Variants in EXOC6B observed in about 807,000 individuals in gnomAD.
EXOC6B encodes exocyst complex component 6B, also known as SEC15 homolog B.
A neutral mutation model predicts 113.5 loss-of-function variants in EXOC6B; 54 were observed. The ratio of observed to expected loss-of-function variants is 0.48; its 90% CI spans 0.38 to 0.60. The LOEUF is 0.60. EXOC6B is among the 20% of genes least tolerant of loss of function. EXOC6B has a pLI of 0.00. For missense variants in EXOC6B, 797 were observed against 977.5 expected (o/e 0.82, Z 2.46); for synonymous variants, 357 against 339.0 (o/e 1.05, Z -0.58).
intron 20 of EXOC6B, among the ~76,000 whole-genome samples, chr2:72,194,742 G>A (rs1559003504): frequency 1.3e-5 from 2 of 152,150 alleles, no homozygotes; most frequent in Non-Finnish European, 2.9e-5. Flanking sequence ...AAATCTGGAG[G>A]AGGCCTTTGG....
intron 11 of EXOC6B, 79 bp downstream of exon 11, chr2:72,513,053 G>GTTGA: frequency 6.6e-7 from 1 of 1,512,336 alleles, no homozygotes; most frequent in East Asian, 2.3e-5. Flanking sequence ...ACATACATAT[G>GTTGA]TTGATTTTAA....
chr2:72,407,903 G>A (rs373767006), intron 18 of EXOC6B, among the ~76,000 whole-genome samples: 52 of 152,190 alleles, frequency 3.4e-4, no homozygotes, highest in African/African-American at 1.1e-3. Flanking sequence ...GGTATTCAAT[G>A]AGGAAAAGAG....
chr2:72,791,845 T>C (rs948882550), intron 1 of EXOC6B, among the ~76,000 whole-genome samples: 2 of 152,234 alleles, frequency 1.3e-5, no homozygotes, highest in African/African-American at 4.8e-5. Context: ...GAACATATAA[T>C]GAATCAACAT....
chr2:72,422,135 C>G (rs191324072), intron 18 of EXOC6B, among the ~76,000 whole-genome samples: 1 of 152,198 alleles, frequency 6.6e-6, no homozygotes, highest in South Asian at 2.1e-4. Flanking sequence ...CCGTGCGGCC[C>G]GAGCCTCCCC....
At chr2:72,581,939 G>A (rs575707326) in intron 6 of EXOC6B, among the ~76,000 whole-genome samples, 19 of 152,104 alleles carry the variant, frequency 1.2e-4, no homozygotes, top group Non-Finnish European at 2.2e-4. Context: ...ATTGCCTGAG[G>A]CAACAGAGAG....
At chr2:72,496,893 G>C (rs1226813035) in intron 13 of EXOC6B, among the ~76,000 whole-genome samples, 1 of 150,884 alleles carries the variant, frequency 6.6e-6, no homozygotes, top group Non-Finnish European at 1.5e-5. Context: ...AAGAATGTGT[G>C]CTCTAGAAAA....
intron 8 of EXOC6B, among the ~76,000 whole-genome samples, chr2:72,518,783 G>C (rs868671028): frequency 1.3e-5 from 2 of 152,228 alleles, no homozygotes; most frequent in African/African-American, 4.8e-5. Context: ...TAAGGTATTT[G>C]TACTGTAGCG....
intron 8 of EXOC6B, among the ~76,000 whole-genome samples, chr2:72,530,782 G>A (rs1164011492): frequency 6.6e-6 from 1 of 151,760 alleles, no homozygotes; most frequent in Non-Finnish European, 1.5e-5. Context: ...TATCATTTAG[G>A]GTTATACAAC....
chr2:72,357,321 G>C (rs1198740139), intron 19 of EXOC6B, among the ~76,000 whole-genome samples: 1 of 152,102 alleles, frequency 6.6e-6, no homozygotes, highest in East Asian at 1.9e-4. Context: ...AAAAAGCATA[G>C]TATATATAGT....
chr2:72,516,184 G>A (rs150890284), intron 8 of EXOC6B, among the ~76,000 whole-genome samples: 287 of 152,230 alleles, frequency 1.9e-3, no homozygotes, highest in African/African-American at 6.6e-3. Flanking sequence ...TCTAGGAAAT[G>A]AATACAAACT....
intron 6 of EXOC6B, among the ~76,000 whole-genome samples, chr2:72,650,093 C>A (rs1674050170): frequency 6.6e-6 from 1 of 152,182 alleles, no homozygotes; most frequent in Non-Finnish European, 1.5e-5. Context: ...CCTGTCAGAT[C>A]AATGCAGCAT....
intron 6 of EXOC6B, among the ~76,000 whole-genome samples, chr2:72,675,755 C>G (rs1027796004): frequency 6.6e-6 from 1 of 151,630 alleles, no homozygotes; most frequent in Non-Finnish European, 1.5e-5. Flanking sequence ...GATCACACCA[C>G]TGCACTCTAG....
chr2:72,469,498 T>C (rs1015829971), intron 17 of EXOC6B, among the ~76,000 whole-genome samples: 7 of 152,138 alleles, frequency 4.6e-5, no homozygotes, highest in Admixed American at 4.6e-4. Flanking sequence ...AGTTGTATTT[T>C]AATTCTTGTT....
chr2:72,512,671 G>A (rs1363744205), intron 11 of EXOC6B, among the ~76,000 whole-genome samples: 1 of 151,910 alleles, frequency 6.6e-6, no homozygotes, highest in Non-Finnish European at 1.5e-5. Context: ...AAATGGTATA[G>A]TGGCTAAGAA....
intron 19 of EXOC6B, among the ~76,000 whole-genome samples, chr2:72,366,280 TA>T (rs35799079): frequency 7.2e-4 from 102 of 141,042 alleles, no homozygotes; most frequent in South Asian, 1.1e-3. Flanking sequence ...CATATAAAAG[TA>T]AAAAAAAAAA....
intron 5 of EXOC6B, among the ~76,000 whole-genome samples, chr2:72,720,625 C>T (rs1374408563): frequency 6.6e-6 from 1 of 151,626 alleles, no homozygotes; most frequent in African/African-American, 2.4e-5. Flanking sequence ...TGGTGGCGTG[C>T]ACCCGTAGTC....
chr2:72,783,318 C>CTTTTTTTTT (rs70963146), intron 1 of EXOC6B, among the ~76,000 whole-genome samples: 40 of 60,388 alleles, frequency 6.6e-4, no homozygotes, highest in East Asian at 1.1e-3. Context: ...TTTTTCTTTT[C>CTTTTTTTTT]TTTTTTTTTT....
intron 20 of EXOC6B, among the ~76,000 whole-genome samples, chr2:72,254,739 TG>T (rs1334279433): frequency 6.6e-6 from 1 of 152,104 alleles, no homozygotes; most frequent in East Asian, 1.9e-4. Context: ...GGGCCAGGCG[TG>T]GTGGCTCACA....
intron 20 of EXOC6B, among the ~76,000 whole-genome samples, chr2:72,265,308 T>G (rs1261866295): frequency 6.6e-6 from 1 of 151,086 alleles, no homozygotes; most frequent in Non-Finnish European, 1.5e-5. Flanking sequence ...AATGTGCAGG[T>G]TAGTTACATA....
Sources: allele counts gnomAD v4.1 joint callset (sites outside exome capture counted in the v4.1 genomes callset), GRCh38; gene constraint gnomAD v4.1.1; transcripts MANE v1.5; gene names NCBI Gene and HGNC (gene_info 2026-07-23, HGNC 2026-07-21).